CSMD1: variants seen among roughly 807,000 people sequenced by gnomAD.
The protein encoded by CSMD1 is CUB and sushi domain-containing protein 1.
Under a neutral mutation model 417.5 loss-of-function variants are expected in CSMD1, and 213 were observed. The ratio of observed to expected loss-of-function variants is 0.51; its 90% CI spans 0.46 to 0.57. CSMD1 has a LOEUF of 0.57. Among genes scored for constraint, CSMD1 ranks in the 20% least tolerant of loss-of-function variants. The pLI is 0.00. For synonymous variants in CSMD1, 2,862 were observed against 1,736.8 expected (o/e 1.65, Z -16.11); for missense variants, 6,923 against 4,529.7 (o/e 1.53, Z -15.17).
intron 3 of CSMD1, among the ~76,000 whole-genome samples, chr8:4,195,643 C>G (rs184332295): frequency 1.3e-5 from 2 of 152,066 alleles, no homozygotes; most frequent in African/African-American, 2.4e-5. Context: ...ATGGAGTTAT[C>G]GATGCTCCTT....
chr8:3,792,996 G>T (rs1799833856), intron 5 of CSMD1, among the ~76,000 whole-genome samples: 1 of 152,124 alleles, frequency 6.6e-6, no homozygotes, highest in African/African-American at 2.4e-5. Flanking sequence ...CTCTACCACA[G>T]GTGTGAATTT....
intron 5 of CSMD1, among the ~76,000 whole-genome samples, chr8:3,813,362 G>A (rs1801190603): frequency 6.6e-6 from 1 of 152,102 alleles, no homozygotes; most frequent in African/African-American, 2.4e-5. Flanking sequence ...TTGCAATGAT[G>A]TGAAGTAAAT....
intron 10 of CSMD1, among the ~76,000 whole-genome samples, chr8:3,568,851 T>G (rs912620395): frequency 6.6e-6 from 1 of 152,078 alleles, no homozygotes; most frequent in South Asian, 2.1e-4. Context: ...CTTTATAAAA[T>G]TATTCAGTAG....
chr8:3,617,753 C>A (rs1802214531), intron 7 of CSMD1, among the ~76,000 whole-genome samples: 2 of 152,128 alleles, frequency 1.3e-5, no homozygotes, highest in African/African-American at 4.8e-5. Flanking sequence ...GAAAATCAAC[C>A]AATTTAGGAG....
intron 5 of CSMD1, among the ~76,000 whole-genome samples, chr8:3,775,358 C>G (rs1199468541): frequency 3.3e-5 from 5 of 152,144 alleles, no homozygotes; most frequent in Admixed American, 3.3e-4. Flanking sequence ...TCTGAACCAT[C>G]TAGCAGACAC....
chr8:3,611,399 G>A (rs1357468450), intron 8 of CSMD1, among the ~76,000 whole-genome samples: 2 of 152,126 alleles, frequency 1.3e-5, no homozygotes, highest in Non-Finnish European at 2.9e-5. Context: ...TGAGTTTTGA[G>A]TTGAGCTGGC....
chr8:4,574,136 C>T (rs944084169), intron 2 of CSMD1, among the ~76,000 whole-genome samples: 2 of 151,298 alleles, frequency 1.3e-5, no homozygotes, highest in Non-Finnish European at 2.9e-5. Context: ...GTGAACAGTT[C>T]TGTCTCGTTG....
chr8:4,810,430 C>T (rs1473744288), intron 1 of CSMD1, among the ~76,000 whole-genome samples: 1 of 152,138 alleles, frequency 6.6e-6, no homozygotes, highest in Admixed American at 6.5e-5. Flanking sequence ...TGCAGGGAAA[C>T]TAAACAAGGC....
chr8:3,663,490 C>G (rs1798525089), intron 7 of CSMD1, among the ~76,000 whole-genome samples: 1 of 152,090 alleles, frequency 6.6e-6, no homozygotes, highest in South Asian at 2.1e-4. Context: ...GAAAATGAAC[C>G]TCAGGGCCCC....
intron 1 of CSMD1, among the ~76,000 whole-genome samples, chr8:4,707,876 G>A (rs947711055): frequency 9.1e-6 from 1 of 109,442 alleles, no homozygotes. Context: ...ACAAGAGCAA[G>A]ACTTTGTTTC....
At chr8:3,426,044 C>T (rs1017757276) in intron 12 of CSMD1, among the ~76,000 whole-genome samples, 1 of 152,148 alleles carries the variant, frequency 6.6e-6, no homozygotes, top group African/African-American at 2.4e-5. Flanking sequence ...CTGTGCCAAT[C>T]TGAAAATATT....
intron 2 of CSMD1, among the ~76,000 whole-genome samples, chr8:4,574,545 T>G (rs915714233): frequency 6.6e-6 from 1 of 152,208 alleles, no homozygotes; most frequent in South Asian, 2.1e-4. Context: ...CACTGGGAGC[T>G]GCAGACGGGA....
At chr8:4,143,005 G>C (rs76222216) in intron 3 of CSMD1, among the ~76,000 whole-genome samples, 45,011 of 148,714 alleles carry the variant, frequency 0.3, 8,369 homozygotes, top group Non-Finnish European at 0.39. Context: ...AAAAAAAAAT[G>C]CTCTCCATTT....
intron 5 of CSMD1, among the ~76,000 whole-genome samples, chr8:3,906,794 C>A (rs1034450216): frequency 2.0e-5 from 3 of 152,038 alleles, no homozygotes; most frequent in African/African-American, 7.3e-5. Context: ...AACATATATA[C>A]AGACAAAATA....
rs568872453 is a variant in CSMD1 at position 3,162,183 on chromosome 8, C to T, written c.5820G>A (p.Gln1940=). 1.2e-6 allele frequency: 2 copies of T among 1,608,582 alleles called. No homozygotes were observed. The highest frequency in any genetic ancestry group is 2.2e-5 in the East Asian group (1 of 44,768). The part of the protein sequence containing the change: ...RYMVNDVLSF[Q]CEPGYTLQGR... Reference sequence around the variant, plus strand: ...CCTGCAGGGTGTACCCGGGCTCGCACTGGAAGGAGAGCACGTCGTTCACCA... The same window carrying T: ...CCTGCAGGGTGTACCCGGGCTCGCATTGGAAGGAGAGCACGTCGTTCACCA... The change falls in exon 38 of 70, where the codon CAG becomes CAA. Residue 1940 remains glutamine, a synonymous_variant. Transcript: ENST00000635120.
chr8:3,319,394 T>G (rs1805997317), intron 23 of CSMD1, among the ~76,000 whole-genome samples: 1 of 152,188 alleles, frequency 6.6e-6, no homozygotes, highest in African/African-American at 2.4e-5. Context: ...TCAGTCAATA[T>G]AAGATTCAAA....
intron 3 of CSMD1, 144 bp from the exon 4 acceptor site, chr8:4,032,243 T>G (rs1484663848): frequency 6.7e-6 from 4 of 601,348 alleles, no homozygotes; most frequent in Non-Finnish European, 8.5e-6. Context: ...TGCTAAAAAA[T>G]AAACTGAGAA....
At chr8:3,333,792 C>T (rs1807063052) in intron 23 of CSMD1, among the ~76,000 whole-genome samples, 1 of 152,172 alleles carries the variant, frequency 6.6e-6, no homozygotes, top group African/African-American at 2.4e-5. Flanking sequence ...ATATAATACA[C>T]CGTAAAAAGC....
At chr8:4,433,400 C>G (rs1234244560) in intron 2 of CSMD1, among the ~76,000 whole-genome samples, 1 of 152,064 alleles carries the variant, frequency 6.6e-6, no homozygotes, top group Non-Finnish European at 1.5e-5. Flanking sequence ...TAAATTTCTA[C>G]TAAAAGAATC....
Sources: allele counts gnomAD v4.1 joint callset (sites outside exome capture counted in the v4.1 genomes callset), GRCh38; gene constraint gnomAD v4.1.1; transcripts MANE v1.5; gene names NCBI Gene and HGNC (gene_info 2026-07-23, HGNC 2026-07-21).